Variants in SYCE1 observed in about 807,000 individuals in gnomAD.
SYCE1 encodes synaptonemal complex central element protein 1, also known as cancer/testis antigen 76.
Under a neutral mutation model 55.1 loss-of-function variants are expected in SYCE1, and 37 were observed. That is an observed-to-expected ratio of 0.67 (90% confidence interval 0.52 to 0.88). The LOEUF is 0.88. Among genes scored for constraint, SYCE1 ranks in the 40% least tolerant of loss-of-function variants. The pLI is 0.00. For missense variants in SYCE1, 399 were observed against 416.4 expected (o/e 0.96, Z 0.36); for synonymous variants, 163 against 159.4 (o/e 1.02, Z -0.17).
Position 133,558,875 on chromosome 10 carries a change from A to C in SYCE1, c.271+2T>G. On this transcript the variant is annotated splice_donor_variant, in intron 4 of 12. Transcript: ENST00000343131. LOFTEE classifies it high-confidence loss of function. ...CCTCTGGGTGACCCCCGGCTCTCTT[A>C]CGCGAGTCCAGTTCCTTCTGCAGGG... 6.2e-7 allele frequency: 1 copy of C among 1,613,606 alleles called. No homozygotes were observed. The highest frequency in any genetic ancestry group is 8.5e-7 in the Non-Finnish European group (1 of 1,179,884).
At chr10:133,558,016 A>AT (rs1169147647) in intron 5 of SYCE1, 98 bp from the exon 6 acceptor site, 2 of 1,541,698 alleles carry the variant, frequency 1.3e-6, no homozygotes, top group Non-Finnish European at 1.8e-6. Flanking sequence ...TGGACACCTG[A>AT]TTGAGCTTTA....
chr10:133,566,144 G>T (rs907734208), upstream of SYCE1, among the ~76,000 whole-genome samples: 1 of 152,224 alleles, frequency 6.6e-6, no homozygotes. Flanking sequence ...CTTCTGCACG[G>T]TCCCTGCCGC....
chr10:133,566,553 G>A (rs879747737), upstream of SYCE1, among the ~76,000 whole-genome samples: 5 of 150,658 alleles, frequency 3.3e-5, no homozygotes, highest in Non-Finnish European at 7.4e-5. Context: ...GGTTGGGCTA[G>A]GGTCGGGGTA....
At position 133,555,787 on chromosome 10, in the gene SYCE1, C is replaced by A. The variant is rs773697613; in HGVS notation, c.712G>T (p.Ala238Ser). Residue 238 changes from alanine (A) to serine (S), a missense_variant, in exon 10 of 13, where the codon GCC (alanine) becomes TCC (serine). By Grantham distance (99) the Ala-to-Ser change is moderately conservative. Transcript: ENST00000343131. ...TTCCCCTCCACATCTTACACTGTGG[C>A]TGCAGCCTCCTGGCTGCGGAGAAAG... The part of the protein sequence containing the change: ...GLFLRSQEAA[A>S]TVQLFQEEHR... The A allele has an allele frequency of 3.1e-6, 5 of 1,612,762 alleles. No individual in the cohort carries two copies. The highest frequency in any genetic ancestry group is 4.2e-6 in the Non-Finnish European group (5 of 1,179,926).
chr10:133,554,835 A>G, downstream of SYCE1: 1 of 1,450,342 alleles, frequency 6.9e-7, no homozygotes, highest in Non-Finnish European at 9.0e-7. Flanking sequence ...GAGATGAGCA[A>G]TCCAGAGACC....
At chr10:133,556,402 T>C in intron 8 of SYCE1, 1 of 524,838 alleles carries the variant, frequency 1.9e-6, no homozygotes, top group South Asian at 2.3e-5. Context: ...ACCTCCTCAC[T>C]GAGCCCTTCC....
chr10:133,557,369 A>G, intron 6 of SYCE1: 1 of 579,934 alleles, frequency 1.7e-6, no homozygotes, highest in Non-Finnish European at 3.0e-6. Flanking sequence ...TGGTTAAGTG[A>G]GCAAATGCAC....
intron 11 of SYCE1, 29 bp downstream of exon 11, chr10:133,555,568 G>A: frequency 6.2e-7 from 1 of 1,602,292 alleles, no homozygotes; most frequent in South Asian, 1.1e-5. Flanking sequence ...TCCTGGTGGG[G>A]GTTGCGGGGA....
chr10:133,565,514 G>C lies in SYCE1; in HGVS notation c.16C>G (p.Leu6Val). MAGRS[L>V]TSKAEPTAGA... ...GCGGTGGGCTCGGCCTTCGATGTCA[G>C]GGACCTCCCCGCCATTTCCTCTCAG... is the stretch of plus-strand genomic sequence containing the variant. The change falls in exon 1 of 13, where the codon CTG becomes GTG. Residue 6 changes from leucine to valine, a missense_variant. By Grantham distance (32) the Leu-to-Val change is conservative. Transcript: ENST00000343131. The C allele has an allele frequency of 6.5e-7, 1 of 1,549,926 alleles. No individual in the cohort carries two copies. The highest frequency in any genetic ancestry group is 8.7e-7 in the Non-Finnish European group (1 of 1,146,778).
chr10:133,557,139 T>A lies in SYCE1; in HGVS notation c.392A>T (p.Gln131Leu). 2 of 1,614,086 alleles carry A rather than the reference T, an allele frequency of 1.2e-6. No homozygotes were observed. The highest frequency in any genetic ancestry group is 1.3e-5 in the African/African-American group (1 of 75,040). Residue 131 changes from glutamine (Q) to leucine (L), a missense_variant, in exon 7 of 13, where the codon CAG becomes CTG. Gln to Leu is a moderately radical substitution (Grantham distance 113). Coordinates refer to ENST00000343131, the MANE Select transcript of SYCE1 (RefSeq NM_001143764.3). ...GGCAGAAATTCTCTCCTTGCACTCC[T>A]GCAACATGGTGTGCTTCCTGGGAGA... Reference protein sequence around the residue: ...SEAHRKHTMLQECKERISALN... With the variant: ...SEAHRKHTMLLECKERISALN...
At chr10:133,559,425 G>A (rs375182558) in intron 2 of SYCE1, 65 bp from the exon 3 acceptor site, 10 of 1,495,770 alleles carry the variant, frequency 6.7e-6, no homozygotes, top group Non-Finnish European at 9.3e-6. Flanking sequence ...CCAGCCTTGT[G>A]TCTCTGCTGC....
chr10:133,556,542 G>C (rs866885008), intron 8 of SYCE1: 1 of 606,460 alleles, frequency 1.6e-6, no homozygotes, highest in South Asian at 1.9e-5. Context: ...GACAGTGATG[G>C]AAGACTTGAC....
At chr10:133,555,150 G>A (rs1257208069) in intron 12 of SYCE1, 21 bp from the exon 13 acceptor site, 1 of 1,540,780 alleles carries the variant, frequency 6.5e-7, no homozygotes, top group Admixed American at 2.0e-5. Context: ...TTAGTGTCCA[G>A]GGTGGGAATT....
chr10:133,563,886 C>A (rs1851869216), intron 1 of SYCE1, among the ~76,000 whole-genome samples: 1 of 152,130 alleles, frequency 6.6e-6, no homozygotes, highest in Non-Finnish European at 1.5e-5. Flanking sequence ...CATTCCCTTT[C>A]CCCAGTCATT....
Position 133,555,088 on chromosome 10 carries a change from T to C in SYCE1, c.960A>G (p.Ala320=), listed in dbSNP as rs1851623372. The change falls in exon 13 of 13, where the codon GCA becomes GCG. Residue 320 remains alanine (A), a synonymous_variant. Transcript: ENST00000343131. ...KPLKGERPGA[A]HQAGPDVLIG... ...TGAGGACATCAGGCCCTGCTTGGTG[T>C]GCAGCTCCAGGTCTTTCTCCTTTTA... The C allele has an allele frequency of 1.3e-6, 2 of 1,551,248 alleles. No homozygotes were observed. Among genetic ancestry groups the C allele is most frequent in the African/African-American group, 2.7e-5 (2 of 73,146 alleles).
chr10:133,565,137 G>C (rs1851896797), intron 1 of SYCE1, among the ~76,000 whole-genome samples: 1 of 152,218 alleles, frequency 6.6e-6, no homozygotes, highest in Non-Finnish European at 1.5e-5. Flanking sequence ...TTGGGATTGG[G>C]AGCGTCAGGA....
In SYCE1 at chr10:133,554,986, G is replaced by C; in HGVS notation, c.*6C>G. ...CCCCTACTCCTCACCAGTAGACTTAGCTGTATCAAAATAGCTCCTTTATTT... is the reference window on the plus strand; with the variant it reads ...CCCCTACTCCTCACCAGTAGACTTACCTGTATCAAAATAGCTCCTTTATTT... On this transcript the variant is annotated 3_prime_UTR_variant, in exon 13 of 13. Coordinates refer to ENST00000343131, the MANE Select transcript of SYCE1 (RefSeq NM_001143764.3). 2 of 1,513,840 alleles carry C rather than the reference G, an allele frequency of 1.3e-6. No homozygotes were observed. The highest frequency in any genetic ancestry group is 1.3e-5 in the South Asian group (1 of 79,966). 93.8% of individuals were successfully genotyped at this position (1,513,840 alleles called of 1,614,324 possible).
At chr10:133,562,898 G>A (rs1851847271) in intron 1 of SYCE1, among the ~76,000 whole-genome samples, 1 of 152,162 alleles carries the variant, frequency 6.6e-6, no homozygotes, top group African/African-American at 2.4e-5. Flanking sequence ...CCTCCCACCA[G>A]GCCCCAACTC....
chr10:133,565,494 G>T lies in SYCE1; in HGVS notation c.36C>A (p.Pro12=), dbSNP rs1198246057. Residue 12 remains proline, a synonymous_variant, in exon 1 of 13, where the codon CCC becomes CCA. Transcript: ENST00000343131. ...CAGCCCTGTCCACGGCTCCTGCGGTGGGCTCGGCCTTCGATGTCAGGGACC... is the reference window on the plus strand; with the variant it reads ...CAGCCCTGTCCACGGCTCCTGCGGTTGGCTCGGCCTTCGATGTCAGGGACC... ...AGRSLTSKAE[P]TAGAVDRAEK... is the part of the protein sequence containing the mutation. 6.5e-7 allele frequency: 1 copy of T among 1,550,178 alleles called. No individual in the cohort carries two copies.
Sources: allele counts gnomAD v4.1 joint callset (sites outside exome capture counted in the v4.1 genomes callset), GRCh38; gene constraint gnomAD v4.1.1; transcripts MANE v1.5; gene names NCBI Gene and HGNC (gene_info 2026-07-23, HGNC 2026-07-21).